SFXN5: variants seen among roughly 807,000 people sequenced by gnomAD.
The protein encoded by SFXN5 is sideroflexin-5.
SFXN5 carries 43 observed loss-of-function variants against 50.2 expected under a neutral mutation model. The ratio of observed to expected loss-of-function variants is 0.86; its 90% CI spans 0.67 to 1.11. The LOEUF is 1.11. Among genes scored for constraint, SFXN5 ranks in the 50% least tolerant of loss-of-function variants. The pLI is 0.00. For synonymous variants in SFXN5, 203 were observed against 185.8 expected, an observed-to-expected ratio of 1.09 and a Z score of -0.75; for missense variants, 463 against 454.1, an observed-to-expected ratio of 1.02 and a Z score of -0.18.
chr2:73,000,500 G>C lies in SFXN5; in HGVS notation c.412-13C>G. 6.4e-7 allele frequency: 1 copy of C among 1,556,280 alleles called. No individual in the cohort carries two copies. Among genetic ancestry groups the C allele is most frequent in the Non-Finnish European group, 8.7e-7 (1 of 1,148,896 alleles). The stretch of plus-strand genomic sequence containing the variant: ...TCTGGTTCAGCCACTGAAAGGCAAT[G>C]ATGAGAGAAGTCAGGGAAGGAGTGG... On this transcript the variant is annotated splice_polypyrimidine_tract_variant and intron_variant, in intron 7 of 13. Coordinates refer to ENST00000272433, the MANE Select transcript of SFXN5 (RefSeq NM_144579.3).
chr2:73,011,949 T>A (rs898524429), intron 6 of SFXN5, among the ~76,000 whole-genome samples: 2 of 152,194 alleles, frequency 1.3e-5, no homozygotes, highest in African/African-American at 4.8e-5. Flanking sequence ...GCACAATCGT[T>A]TCTAATAGCA....
At chr2:73,022,712 T>C in intron 4 of SFXN5, 136 bp from the exon 5 acceptor site, 1 of 675,122 alleles carries the variant, frequency 1.5e-6, no homozygotes, top group Non-Finnish European at 2.7e-6. Context: ...TCTGGGAAGA[T>C]TCAGATACCA....
chr2:72,987,103 G>A (rs1672006857), intron 10 of SFXN5, among the ~76,000 whole-genome samples: 1 of 152,012 alleles, frequency 6.6e-6, no homozygotes, highest in Non-Finnish European at 1.5e-5. Context: ...AGTAATAGAT[G>A]TTTTTTGGGG....
chr2:72,994,641 T>G (rs756652855), intron 9 of SFXN5, among the ~76,000 whole-genome samples: 2 of 151,954 alleles, frequency 1.3e-5, no homozygotes, highest in Non-Finnish European at 2.9e-5. Flanking sequence ...CAGCCCCACG[T>G]CCACCCTCAT....
At chr2:73,040,434 A>G (rs1036295442) in intron 3 of SFXN5, among the ~76,000 whole-genome samples, 6 of 152,222 alleles carry the variant, frequency 3.9e-5, no homozygotes, top group African/African-American at 1.4e-4. Context: ...ATTTTTGAAC[A>G]GTGGTATGCT....
chr2:73,067,018 T>G (rs185057083), intron 1 of SFXN5, among the ~76,000 whole-genome samples: 1 of 152,086 alleles, frequency 6.6e-6, no homozygotes, highest in Admixed American at 6.5e-5. Context: ...CACTGTACTC[T>G]ATTGTGGGTG....
At chr2:73,023,515 T>C (rs1419779514) in intron 3 of SFXN5, among the ~76,000 whole-genome samples, 1 of 152,184 alleles carries the variant, frequency 6.6e-6, no homozygotes, top group Admixed American at 6.5e-5. Flanking sequence ...TTCAGCATTT[T>C]CCTAAAGCTC....
At chr2:73,061,530 A>G (rs1355676910) in intron 1 of SFXN5, among the ~76,000 whole-genome samples, 2 of 149,964 alleles carry the variant, frequency 1.3e-5, no homozygotes, top group Non-Finnish European at 2.9e-5. Context: ...AGACAAAGAG[A>G]ATAATAAAGG....
At chr2:73,042,065 C>T (rs1679714849) in intron 2 of SFXN5, among the ~76,000 whole-genome samples, 1 of 151,998 alleles carries the variant, frequency 6.6e-6, no homozygotes, top group Non-Finnish European at 1.5e-5. Context: ...CAGAGATTAA[C>T]CTACTAAAGT....
intron 13 of SFXN5, among the ~76,000 whole-genome samples, chr2:72,957,623 C>T (rs1351901164): frequency 6.6e-6 from 1 of 152,258 alleles, no homozygotes; most frequent in Non-Finnish European, 1.5e-5. Context: ...CCAAGCAAGT[C>T]CAGACTTATT....
intron 10 of SFXN5, among the ~76,000 whole-genome samples, chr2:72,981,780 G>A (rs994694718): frequency 3.9e-5 from 6 of 152,088 alleles, no homozygotes; most frequent in Non-Finnish European, 5.9e-5. Context: ...ACAGCACCAC[G>A]CCCACATATT....
chr2:73,057,087 G>T (rs1199640779), intron 2 of SFXN5, among the ~76,000 whole-genome samples: 1 of 152,174 alleles, frequency 6.6e-6, no homozygotes, highest in South Asian at 2.1e-4. Context: ...ACACTACTCA[G>T]CAGTAAGAAG....
chr2:73,058,668 C>T, intron 1 of SFXN5, 72 bp from the exon 2 acceptor site: 1 of 1,434,842 alleles, frequency 7.0e-7, no homozygotes, highest in South Asian at 1.1e-5. Flanking sequence ...ACTGGAGAGC[C>T]CCACCCTTTA....
At chr2:72,967,880 T>C (rs1674629546) in intron 12 of SFXN5, among the ~76,000 whole-genome samples, 1 of 152,198 alleles carries the variant, frequency 6.6e-6, no homozygotes, top group African/African-American at 2.4e-5. Flanking sequence ...CTACTGTTAC[T>C]ATGCTCCCTC....
At chr2:72,989,024 T>C (rs1672253199) in intron 9 of SFXN5, among the ~76,000 whole-genome samples, 1 of 152,202 alleles carries the variant, frequency 6.6e-6, no homozygotes, top group Non-Finnish European at 1.5e-5. Context: ...TCTTTCATCT[T>C]TCGAGAGCAC....
At chr2:73,021,143 A>G (rs1676835029) in intron 5 of SFXN5, among the ~76,000 whole-genome samples, 1 of 152,190 alleles carries the variant, frequency 6.6e-6, no homozygotes. Flanking sequence ...TTACAAGAGA[A>G]GCCAGGCTCA....
intron 13 of SFXN5, among the ~76,000 whole-genome samples, chr2:72,948,438 A>G (rs1672183749): frequency 6.6e-6 from 1 of 152,266 alleles, no homozygotes; most frequent in Admixed American, 6.5e-5. Context: ...CTTGGATGTC[A>G]GAGGTGTGAG....
chr2:72,973,588 C>A lies in SFXN5; in HGVS notation c.626-1903G>T, dbSNP rs1670278356. The stretch of plus-strand genomic sequence containing the variant: ...GACAGACAGAATTAGGAAGCTGAAT[C>A]CAAGGTAAAGGAGATCTGGTTAGCA... On this transcript the variant is annotated intron_variant, in intron 10 of 13. Coordinates refer to ENST00000272433, the MANE Select transcript of SFXN5 (RefSeq NM_144579.3). This position sits in a 1 kb window ranked among gnomAD's most constrained non-coding sequence, Gnocchi z 5.5. 6.6e-6 allele frequency among the ~76,000 whole-genome samples: 1 copy of A among 152,130 alleles called. No individual in the cohort carries two copies.
intron 9 of SFXN5, among the ~76,000 whole-genome samples, chr2:72,989,998 G>T (rs1373413207): frequency 6.6e-6 from 1 of 152,234 alleles, no homozygotes; most frequent in Non-Finnish European, 1.5e-5. Context: ...GTTGTGGGTG[G>T]TTGGGGAGGA....
Sources: allele counts gnomAD v4.1 joint callset (sites outside exome capture counted in the v4.1 genomes callset), GRCh38; gene constraint gnomAD v4.1.1; non-coding constraint Gnocchi (gnomAD v3.1); transcripts MANE v1.5; gene names NCBI Gene and HGNC (gene_info 2026-07-23, HGNC 2026-07-21).